CTIF: variants seen among roughly 807,000 people sequenced by gnomAD.
CTIF encodes cap binding complex dependent translation initiation factor.
CTIF carries 21 observed loss-of-function variants against 66.0 expected under a neutral mutation model. That is an observed-to-expected ratio of 0.32 (90% CI 0.23 to 0.46). The LOEUF (loss-of-function observed/expected upper bound fraction) is 0.46. Among genes scored for constraint, CTIF ranks in the 20% least tolerant of loss-of-function variants. The pLI is 1.00. For synonymous variants in CTIF, 345 were observed against 326.4 expected, an observed-to-expected ratio of 1.06 and a Z score of -0.62; for missense variants, 739 against 812.7, an observed-to-expected ratio of 0.91 and a Z score of 1.10.
chr18:48,714,702 G>A (rs2092262884), intron 7 of CTIF, among the ~76,000 whole-genome samples: 1 of 152,172 alleles, frequency 6.6e-6, no homozygotes. Context: ...TTAAGTCTGA[G>A]GCTGTTAGCA....
chr18:48,618,958 C>T (rs1171964724), intron 1 of CTIF, among the ~76,000 whole-genome samples: 1 of 152,222 alleles, frequency 6.6e-6, no homozygotes, highest in African/African-American at 2.4e-5. Flanking sequence ...GTTCCAGTAG[C>T]TGCACCAGAG....
At chr18:48,731,777 A>G (rs1372185476) in intron 7 of CTIF, among the ~76,000 whole-genome samples, 1 of 152,210 alleles carries the variant, frequency 6.6e-6, no homozygotes. Flanking sequence ...GCTGCTTTTT[A>G]TGGGACACCT....
chr18:48,659,120 A>T (rs1480658856), intron 3 of CTIF, among the ~76,000 whole-genome samples: 1 of 152,044 alleles, frequency 6.6e-6, no homozygotes, highest in South Asian at 2.1e-4. Flanking sequence ...GTTTGCCTTT[A>T]GTGGTTATAT....
chr18:48,746,928 C>T (rs1256805941), intron 7 of CTIF, among the ~76,000 whole-genome samples: 1 of 152,118 alleles, frequency 6.6e-6, no homozygotes, highest in East Asian at 1.9e-4. Context: ...GAAGCCCTCC[C>T]TAACCTCACC....
chr18:48,671,555 A>G (rs1038336457), intron 6 of CTIF, among the ~76,000 whole-genome samples: 1 of 152,186 alleles, frequency 6.6e-6, no homozygotes, highest in Non-Finnish European at 1.5e-5. Flanking sequence ...GGGCCTATCA[A>G]TGAGAGACAA....
chr18:48,750,412 C>T (rs1907686550), intron 7 of CTIF, among the ~76,000 whole-genome samples: 1 of 152,234 alleles, frequency 6.6e-6, no homozygotes, highest in Non-Finnish European at 1.5e-5. Context: ...AGCCTTTTTC[C>T]CTTGGCCTTC....
intron 1 of CTIF, among the ~76,000 whole-genome samples, chr18:48,558,344 G>C (rs148018363): frequency 2.2e-3 from 337 of 152,326 alleles, no homozygotes; most frequent in Non-Finnish European, 4.0e-3. Context: ...GTCAGTACAA[G>C]GTCAATAGTA....
intron 2 of CTIF, among the ~76,000 whole-genome samples, chr18:48,622,540 T>C (rs1323241955): frequency 6.6e-6 from 1 of 152,072 alleles, no homozygotes; most frequent in East Asian, 1.9e-4. Context: ...GGTGGCTGGG[T>C]GGCCTGGCGG....
intron 6 of CTIF, among the ~76,000 whole-genome samples, chr18:48,681,388 G>A (rs2091739401): frequency 6.6e-6 from 1 of 151,930 alleles, no homozygotes; most frequent in Admixed American, 6.5e-5. Context: ...TCCTTTGCAA[G>A]GGGCTACCTC....
At chr18:48,839,786 C>G (rs1305392425) in intron 10 of CTIF, among the ~76,000 whole-genome samples, 3 of 152,174 alleles carry the variant, frequency 2.0e-5, no homozygotes, top group African/African-American at 4.8e-5. Flanking sequence ...GTTACTACCC[C>G]CTTCAGACAC....
intron 2 of CTIF, among the ~76,000 whole-genome samples, chr18:48,620,029 C>A (rs536066710): frequency 6.6e-6 from 1 of 152,216 alleles, no homozygotes; most frequent in Non-Finnish European, 1.5e-5. Flanking sequence ...CTCTTGAGTA[C>A]TGACTATGTG....
At chr18:48,740,792 C>T (rs1270811330) in intron 7 of CTIF, among the ~76,000 whole-genome samples, 1 of 152,144 alleles carries the variant, frequency 6.6e-6, no homozygotes, top group Admixed American at 6.5e-5. Flanking sequence ...TACCCGTGGT[C>T]AACTCATTAA....
intron 1 of CTIF, chr18:48,567,800 A>C (rs557532803): frequency 6.6e-6 from 1 of 152,232 alleles, no homozygotes; most frequent in Admixed American, 6.6e-5. Flanking sequence ...GACAGTGGAG[A>C]CCAGTGGGGG....
At chr18:48,574,653 C>T (rs886754524) in intron 1 of CTIF, among the ~76,000 whole-genome samples, 1 of 152,182 alleles carries the variant, frequency 6.6e-6, no homozygotes, top group African/African-American at 2.4e-5. Context: ...TGACTGGCTT[C>T]CCTCAGAACA....
At chr18:48,706,877 T>G (rs1344353752) in intron 6 of CTIF, among the ~76,000 whole-genome samples, 1 of 152,238 alleles carries the variant, frequency 6.6e-6, no homozygotes, top group African/African-American at 2.4e-5. Context: ...TATAATCTAC[T>G]TGTCTCTCAG....
chr18:48,809,868 TG>T (rs1373407336), intron 9 of CTIF, among the ~76,000 whole-genome samples: 1 of 151,960 alleles, frequency 6.6e-6, no homozygotes, highest in Non-Finnish European at 1.5e-5. Context: ...ATATCATATC[TG>T]TTTTCATATC....
chr18:48,776,199 G>A (rs1226223145), intron 9 of CTIF, among the ~76,000 whole-genome samples: 11 of 152,344 alleles, frequency 7.2e-5, no homozygotes, highest in Admixed American at 2.6e-4. Flanking sequence ...CCCCTCCCTG[G>A]TGAGGTTACT....
At chr18:48,668,363 C>A (rs1273318930) in intron 5 of CTIF, among the ~76,000 whole-genome samples, 1 of 152,152 alleles carries the variant, frequency 6.6e-6, no homozygotes, top group Non-Finnish European at 1.5e-5. Context: ...ATGGCCCAGG[C>A]GGGTGCAGAA....
intron 7 of CTIF, among the ~76,000 whole-genome samples, chr18:48,748,477 G>GGACA (rs1373554728): frequency 6.6e-6 from 1 of 152,118 alleles, no homozygotes; most frequent in African/African-American, 2.4e-5. Flanking sequence ...TAGAGGTGTG[G>GGACA]GACAGCATGG....
Sources: allele counts gnomAD v4.1 joint callset (sites outside exome capture counted in the v4.1 genomes callset), GRCh38; gene constraint gnomAD v4.1.1; transcripts MANE v1.5; gene names NCBI Gene and HGNC (gene_info 2026-07-23, HGNC 2026-07-21).